Variants in PARD3B observed in about 807,000 individuals in gnomAD.
The protein encoded by PARD3B is par-3 family cell polarity regulator beta, also known as partitioning defective 3 homolog B.
PARD3B carries 103 observed loss-of-function variants against 130.2 expected under a neutral mutation model. The observed-to-expected ratio is 0.79, with a 90% CI of 0.67 to 0.93. The LOEUF is 0.93. Ranked by LOEUF, PARD3B falls within the 40% of genes least tolerant of loss-of-function variation. The pLI, the probability that PARD3B is intolerant of heterozygous loss-of-function variation, is 0.00. For synonymous variants in PARD3B, 583 were observed against 553.2 expected (o/e 1.05, Z -0.76); for missense variants, 1,609 against 1,499.2 (o/e 1.07, Z -1.21).
chr2:205,325,938 G>T lies in PARD3B; in HGVS notation c.2630+24237G>T, dbSNP rs2042925069. ...ACATCCTATCATCGTAGACTTCATTGCCTGTGTATCTTAATGTGAATATCA... is the reference window on the plus strand; with the variant it reads ...ACATCCTATCATCGTAGACTTCATTTCCTGTGTATCTTAATGTGAATATCA... On this transcript the variant is annotated intron_variant, in intron 18 of 22. Coordinates refer to ENST00000406610, the MANE Select transcript of PARD3B (RefSeq NM_001302769.2). This position sits in a 1 kb window ranked among gnomAD's most constrained non-coding sequence, Gnocchi z 4.1. Among the ~76,000 whole-genome samples the T allele has an allele frequency of 6.6e-6, 1 of 152,158 alleles. No homozygotes were observed. Among genetic ancestry groups the T allele is most frequent in the African/African-American group, 2.4e-5 (1 of 41,446 alleles).
intron 3 of PARD3B, among the ~76,000 whole-genome samples, chr2:205,018,835 T>C (rs1696373194): frequency 6.6e-6 from 1 of 151,334 alleles, no homozygotes; most frequent in African/African-American, 2.4e-5. Flanking sequence ...TGAGTTTTGC[T>C]GTTAAAGACA....
intron 20 of PARD3B, among the ~76,000 whole-genome samples, chr2:205,480,958 ACAGACTCCTGG>A (rs2049212635): frequency 6.6e-6 from 1 of 152,120 alleles, no homozygotes; most frequent in Non-Finnish European, 1.5e-5. Flanking sequence ...CCCACCAATG[ACAGACTCCTGG>A]GGCTGTGACA....
intron 2 of PARD3B, among the ~76,000 whole-genome samples, chr2:204,691,030 C>G (rs1304771815): frequency 1.3e-5 from 2 of 152,112 alleles, no homozygotes; most frequent in Non-Finnish European, 1.5e-5. Flanking sequence ...AAGTCACAGA[C>G]AAACAGCCTT....
In PARD3B at chr2:205,265,729, A is replaced by G. The variant is rs1166651716; in HGVS notation, c.2185+19907A>G. On this transcript the variant is annotated intron_variant, in intron 16 of 22. Coordinates refer to ENST00000406610, the MANE Select transcript of PARD3B (RefSeq NM_001302769.2). This position sits in a 1 kb window ranked among gnomAD's most constrained non-coding sequence, Gnocchi z 4.3. The stretch of plus-strand genomic sequence containing the variant: ...AATATTCAGTGCTCTTTTTAACACG[A>G]TATTTATTAGGTGCAAGTTACATGC... 2.0e-5 allele frequency among the ~76,000 whole-genome samples: 3 copies of G among 152,060 alleles called. No individual in the cohort carries two copies. Among genetic ancestry groups the G allele is most frequent in the Non-Finnish European group, 2.9e-5 (2 of 67,936 alleles).
chr2:204,690,054 C>A (rs1360631062), intron 2 of PARD3B, among the ~76,000 whole-genome samples: 2 of 152,008 alleles, frequency 1.3e-5, no homozygotes, highest in Non-Finnish European at 2.9e-5. Context: ...TATATTTCAA[C>A]CCTGTTTGCC....
At chr2:205,224,259 TA>T (rs2038404039) in intron 15 of PARD3B, among the ~76,000 whole-genome samples, 1 of 128,006 alleles carries the variant, frequency 7.8e-6, no homozygotes, top group Admixed American at 8.5e-5. Flanking sequence ...TAGTCCCAGC[TA>T]CTCGGGAGGC....
At chr2:204,718,745 C>A (rs1478244382) in intron 2 of PARD3B, among the ~76,000 whole-genome samples, 5 of 152,168 alleles carry the variant, frequency 3.3e-5, no homozygotes, top group Admixed American at 3.3e-4. Flanking sequence ...TACCAGCTTT[C>A]TTTAGTTTAT....
At chr2:204,926,987 T>C (rs1353088692) in intron 2 of PARD3B, among the ~76,000 whole-genome samples, 1 of 152,006 alleles carries the variant, frequency 6.6e-6, no homozygotes, top group African/African-American at 2.4e-5. Flanking sequence ...GTAATTCCAA[T>C]AGTATGTTTG....
chr2:205,532,504 A>G (rs1300719176), intron 21 of PARD3B, among the ~76,000 whole-genome samples: 1 of 152,204 alleles, frequency 6.6e-6, no homozygotes, highest in African/African-American at 2.4e-5. Flanking sequence ...AATGGTTCAG[A>G]GTTGCTGGAG....
At chr2:205,314,526 A>G (rs2042497310) in intron 18 of PARD3B, among the ~76,000 whole-genome samples, 1 of 152,240 alleles carries the variant, frequency 6.6e-6, no homozygotes, top group South Asian at 2.1e-4. Flanking sequence ...CTAATGAAGC[A>G]AGGAGACCTG....
At chr2:205,395,104 C>T (rs147946635) in intron 18 of PARD3B, among the ~76,000 whole-genome samples, 37 of 152,322 alleles carry the variant, frequency 2.4e-4, no homozygotes, top group Non-Finnish European at 4.9e-4. Context: ...CTGAAATATT[C>T]TATGGTATAA....
At chr2:205,540,225 A>C (rs1478581683) in intron 21 of PARD3B, among the ~76,000 whole-genome samples, 1 of 151,992 alleles carries the variant, frequency 6.6e-6, no homozygotes, top group African/African-American at 2.4e-5. Flanking sequence ...TTGCAAGAGC[A>C]TAATAAAAAA....
chr2:205,042,156 C>T (rs776328240), intron 3 of PARD3B, among the ~76,000 whole-genome samples: 3 of 152,142 alleles, frequency 2.0e-5, no homozygotes, highest in Non-Finnish European at 4.4e-5. Context: ...CTGAATTAGA[C>T]GACCCTCCTC....
At chr2:205,191,973 A>G (rs901959840) in intron 14 of PARD3B, among the ~76,000 whole-genome samples, 3 of 152,080 alleles carry the variant, frequency 2.0e-5, no homozygotes, top group Non-Finnish European at 4.4e-5. Flanking sequence ...CCAGCCTCAG[A>G]CTCCCAAGTA....
chr2:204,895,065 C>A (rs544560936), intron 2 of PARD3B, among the ~76,000 whole-genome samples: 9 of 151,818 alleles, frequency 5.9e-5, no homozygotes, highest in Middle Eastern at 3.4e-3. Flanking sequence ...CCAAAAAAAA[C>A]CCCATAATTC....
chr2:204,986,756 G>C (rs1233602622), intron 3 of PARD3B, among the ~76,000 whole-genome samples: 1 of 152,126 alleles, frequency 6.6e-6, no homozygotes, highest in Non-Finnish European at 1.5e-5. Flanking sequence ...TTTTCGATGG[G>C]TAATTTGACA....
intron 3 of PARD3B, among the ~76,000 whole-genome samples, chr2:204,987,677 T>A (rs2125230597): frequency 6.6e-6 from 1 of 152,216 alleles, no homozygotes; most frequent in East Asian, 1.9e-4. Context: ...GATTTTCATC[T>A]TCTTCAGAAT....
At chr2:204,858,869 G>T (rs2045067474) in intron 2 of PARD3B, among the ~76,000 whole-genome samples, 1 of 150,494 alleles carries the variant, frequency 6.6e-6, no homozygotes, top group African/African-American at 2.4e-5. Flanking sequence ...ACTCATTTAT[G>T]ATTTCAGTTA....
chr2:204,833,705 C>G (rs536816926), intron 2 of PARD3B, among the ~76,000 whole-genome samples: 1 of 152,152 alleles, frequency 6.6e-6, no homozygotes, highest in East Asian at 1.9e-4. Context: ...TTTTGCCTTC[C>G]GCCATGATTG....
Sources: allele counts gnomAD v4.1 joint callset (sites outside exome capture counted in the v4.1 genomes callset), GRCh38; gene constraint gnomAD v4.1.1; non-coding constraint Gnocchi (gnomAD v3.1); transcripts MANE v1.5; gene names NCBI Gene and HGNC (gene_info 2026-07-23, HGNC 2026-07-21).